The following MNAT1 variants were observed in gnomAD, a reference collection of about 807,000 sequenced individuals.
MNAT1 encodes the protein CDK-activating kinase assembly factor MAT1.
In MNAT1, 43 loss-of-function variants were observed where a neutral mutation model predicts 42.0. That is an observed-to-expected ratio of 1.02 (90% CI 0.80 to 1.32). The LOEUF is 1.32. Ranked by LOEUF, MNAT1 falls within the 40% of genes most tolerant of loss-of-function variation. The pLI, the probability that MNAT1 is intolerant of heterozygous loss-of-function variation, is 0.00. For synonymous variants in MNAT1, 118 were observed against 120.0 expected (o/e 0.98, Z 0.11); for missense variants, 306 against 350.4 (o/e 0.87, Z 1.01).
At chr14:60,817,369 C>A (rs1007359092) in intron 5 of MNAT1, among the ~76,000 whole-genome samples, 1 of 151,804 alleles carries the variant, frequency 6.6e-6, no homozygotes. Flanking sequence ...TATTTCATCA[C>A]TTTTCCTTCA....
chr14:60,951,030 T>A (rs974126782), intron 7 of MNAT1, among the ~76,000 whole-genome samples: 1 of 152,140 alleles, frequency 6.6e-6, no homozygotes, highest in Non-Finnish European at 1.5e-5. Flanking sequence ...GCTTTGCGAA[T>A]TCAGAGGAGG....
intron 6 of MNAT1, among the ~76,000 whole-genome samples, chr14:60,857,452 G>C (rs1257477922): frequency 6.6e-6 from 1 of 152,192 alleles, no homozygotes; most frequent in African/African-American, 2.4e-5. Context: ...GCTTCCTAGG[G>C]ATGAGCAAAG....
At chr14:60,849,804 G>GC (rs2033775457) in intron 6 of MNAT1, among the ~76,000 whole-genome samples, 1 of 151,780 alleles carries the variant, frequency 6.6e-6, no homozygotes, top group South Asian at 2.1e-4. Flanking sequence ...TTCGGTAGGA[G>GC]GTCCTATATT....
At chr14:60,929,488 T>TCATC (rs2035841457) in intron 7 of MNAT1, among the ~76,000 whole-genome samples, 2 of 152,090 alleles carry the variant, frequency 1.3e-5, no homozygotes, top group Non-Finnish European at 1.5e-5. Context: ...AGGTCCAAGT[T>TCATC]CATCATTTTT....
At chr14:60,966,654 A>T (rs184233713) in intron 7 of MNAT1, among the ~76,000 whole-genome samples, 1 of 152,106 alleles carries the variant, frequency 6.6e-6, no homozygotes, top group Non-Finnish European at 1.5e-5. Context: ...CTGGGATTAC[A>T]GGCATGTGCC....
At chr14:60,855,959 C>T (rs2033948883) in intron 6 of MNAT1, among the ~76,000 whole-genome samples, 1 of 152,178 alleles carries the variant, frequency 6.6e-6, no homozygotes, top group Non-Finnish European at 1.5e-5. Context: ...CCTCAGGCCT[C>T]CCTATTCCTT....
At chr14:60,939,729 C>G (rs951821372) in intron 7 of MNAT1, among the ~76,000 whole-genome samples, 7 of 152,262 alleles carry the variant, frequency 4.6e-5, no homozygotes, top group African/African-American at 1.7e-4. Flanking sequence ...TTGGAGAGTT[C>G]TGTAGATGTC....
At position 60,808,176 on chromosome 14, in the gene MNAT1, C is replaced by G. The variant is rs2032436568; in HGVS notation, c.317-149C>G. 8 of 503,706 alleles carry G rather than the reference C, an allele frequency of 1.6e-5. No individual in the cohort carries two copies. The South Asian group carries it at 2.3e-4, about 15-fold the overall frequency. The allele number at this position is 503,706 out of a possible 1,614,324, so 31.2% of individuals were successfully genotyped here. On this transcript the variant is annotated intron_variant, in intron 3 of 7. Transcript: ENST00000261245. The stretch of plus-strand genomic sequence containing the variant: ...TGTTTGCCGTAACTAGAGCTAGTCT[C>G]TAAAATAGGTAGCTGATTAAAAGGT...
intron 3 of MNAT1, among the ~76,000 whole-genome samples, chr14:60,802,720 A>G (rs1390353908): frequency 6.6e-6 from 1 of 152,146 alleles, no homozygotes; most frequent in Non-Finnish European, 1.5e-5. Flanking sequence ...TTCAAATATT[A>G]TGACCTGACC....
At chr14:60,859,545 A>G (rs185772103) in intron 6 of MNAT1, among the ~76,000 whole-genome samples, 1 of 152,358 alleles carries the variant, frequency 6.6e-6, no homozygotes, top group Admixed American at 6.5e-5. Flanking sequence ...CTCTGTTGAC[A>G]CTTACTAAAA....
intron 6 of MNAT1, among the ~76,000 whole-genome samples, chr14:60,836,167 C>T (rs191309078): frequency 8.8e-4 from 134 of 152,204 alleles, no homozygotes; most frequent in African/African-American, 2.7e-3. Flanking sequence ...AGCTTCCTTG[C>T]GTTGGGTTAT....
At chr14:60,749,943 C>T (rs1184268793) in intron 1 of MNAT1, among the ~76,000 whole-genome samples, 1 of 152,178 alleles carries the variant, frequency 6.6e-6, no homozygotes, top group Non-Finnish European at 1.5e-5. Flanking sequence ...CAGTCTTTCT[C>T]AGACACTCAA....
At chr14:60,860,670 T>G (rs1019170435) in intron 6 of MNAT1, among the ~76,000 whole-genome samples, 3 of 152,068 alleles carry the variant, frequency 2.0e-5, no homozygotes, top group African/African-American at 7.2e-5. Context: ...TTTTTAAAGT[T>G]ATTTTTGCTC....
chr14:60,812,852 G>A (rs1053575684), intron 5 of MNAT1, among the ~76,000 whole-genome samples: 1 of 152,066 alleles, frequency 6.6e-6, no homozygotes, highest in African/African-American at 2.4e-5. Context: ...TGTTTTCATC[G>A]CTCAATAAAA....
chr14:60,941,060 TA>T (rs1245359965), intron 7 of MNAT1, among the ~76,000 whole-genome samples: 1 of 152,232 alleles, frequency 6.6e-6, no homozygotes, highest in Non-Finnish European at 1.5e-5. Flanking sequence ...GGTAATTTAA[TA>T]AAATTCCGTT....
At chr14:60,894,754 A>G (rs543153493) in intron 7 of MNAT1, among the ~76,000 whole-genome samples, 2 of 152,226 alleles carry the variant, frequency 1.3e-5, no homozygotes, top group East Asian at 1.9e-4. Context: ...TTATAATACA[A>G]TTAGTTCCAA....
intron 6 of MNAT1, among the ~76,000 whole-genome samples, chr14:60,873,591 C>T (rs941819180): frequency 3.3e-5 from 5 of 151,940 alleles, no homozygotes; most frequent in South Asian, 2.1e-4. Flanking sequence ...GCTTCAGCCT[C>T]CTGAGGAGCT....
At chr14:60,846,642 G>C (rs1427768740) in intron 6 of MNAT1, among the ~76,000 whole-genome samples, 1 of 151,918 alleles carries the variant, frequency 6.6e-6, no homozygotes, top group South Asian at 2.1e-4. Context: ...TTTTTCTTGT[G>C]ATTTCTTGTT....
intron 1 of MNAT1, among the ~76,000 whole-genome samples, chr14:60,773,355 C>T (rs765865593): frequency 2.2e-4 from 34 of 152,122 alleles, no homozygotes; most frequent in Middle Eastern, 3.2e-3. Flanking sequence ...ATTCATTCAA[C>T]CACTATTTGC....
Sources: allele counts gnomAD v4.1 joint callset (sites outside exome capture counted in the v4.1 genomes callset), GRCh38; gene constraint gnomAD v4.1.1; transcripts MANE v1.5; gene names NCBI Gene and HGNC (gene_info 2026-07-23, HGNC 2026-07-21).